AGBL4: variants seen among roughly 807,000 people sequenced by gnomAD.
AGBL4 encodes AGBL carboxypeptidase 4.
A neutral mutation model predicts 66.4 loss-of-function variants in AGBL4; 58 were observed. The ratio of observed to expected loss-of-function variants is 0.87; its 90% CI spans 0.71 to 1.09. AGBL4 has a LOEUF of 1.09. AGBL4 is among the 50% of genes least tolerant of loss of function. The probability of loss-of-function intolerance (pLI) is 0.00; values close to 1 mark genes in which losing one functional copy is unlikely to be tolerated. For synonymous variants in AGBL4, 234 were observed against 222.9 expected, an observed-to-expected ratio of 1.05 and a Z score of -0.44; for missense variants, 579 against 631.0, an observed-to-expected ratio of 0.92 and a Z score of 0.88.
At chr1:49,470,289 C>T (rs539765170) in intron 3 of AGBL4, among the ~76,000 whole-genome samples, 72 of 151,868 alleles carry the variant, frequency 4.7e-4, no homozygotes, top group Non-Finnish European at 5.4e-4. Context: ...AGATTATACT[C>T]GCTCCATACA....
intron 4 of AGBL4, among the ~76,000 whole-genome samples, chr1:49,160,912 G>C (rs1295083320): frequency 6.6e-6 from 1 of 152,110 alleles, no homozygotes; most frequent in African/African-American, 2.4e-5. Flanking sequence ...CACCAAACTT[G>C]AGCATCCCAG....
chr1:49,572,464 T>C (rs1644350508), intron 3 of AGBL4, among the ~76,000 whole-genome samples: 2 of 152,342 alleles, frequency 1.3e-5, no homozygotes, highest in Admixed American at 6.5e-5. Context: ...TTGTGTATTC[T>C]AGCCTGCAGT....
chr1:49,144,218 C>T (rs1646171927), intron 4 of AGBL4, among the ~76,000 whole-genome samples: 1 of 152,010 alleles, frequency 6.6e-6, no homozygotes, highest in Admixed American at 6.6e-5. Context: ...GTGTTGCTGG[C>T]TGATGATGGC....
At chr1:49,721,270 C>T (rs562178125) in intron 2 of AGBL4, among the ~76,000 whole-genome samples, 1 of 152,124 alleles carries the variant, frequency 6.6e-6, no homozygotes, top group Non-Finnish European at 1.5e-5. Flanking sequence ...GCAATCCGCT[C>T]GGGTCCCCTT....
intron 6 of AGBL4, among the ~76,000 whole-genome samples, chr1:48,669,424 C>T (rs1178072727): frequency 6.6e-6 from 1 of 151,922 alleles, no homozygotes; most frequent in Non-Finnish European, 1.5e-5. Flanking sequence ...CAGCAGCATC[C>T]CTTTCCTCTA....
intron 6 of AGBL4, among the ~76,000 whole-genome samples, chr1:48,812,180 G>T (rs1031492057): frequency 2.0e-5 from 3 of 152,152 alleles, no homozygotes; most frequent in Non-Finnish European, 4.4e-5. Context: ...GGATGAGTCA[G>T]GCCAAGAGGC....
At chr1:49,140,896 T>C (rs559965558) in intron 4 of AGBL4, among the ~76,000 whole-genome samples, 1 of 152,226 alleles carries the variant, frequency 6.6e-6, no homozygotes, top group Non-Finnish European at 1.5e-5. Flanking sequence ...GGGATTGTGA[T>C]GAAGGGAAAA....
intron 6 of AGBL4, among the ~76,000 whole-genome samples, chr1:48,780,009 C>T (rs994168410): frequency 2.0e-5 from 3 of 151,836 alleles, no homozygotes; most frequent in African/African-American, 4.8e-5. Context: ...CCACCGCGCC[C>T]GGCCTTTATT....
chr1:48,679,042 T>A (rs1041588862), intron 6 of AGBL4, among the ~76,000 whole-genome samples: 4 of 152,188 alleles, frequency 2.6e-5, no homozygotes, highest in Non-Finnish European at 5.9e-5. Context: ...ATATGCAAGT[T>A]GACAGTGGAA....
chr1:49,803,291 G>A (rs183008624), intron 2 of AGBL4, among the ~76,000 whole-genome samples: 8 of 152,082 alleles, frequency 5.3e-5, no homozygotes, highest in Admixed American at 1.3e-4. Flanking sequence ...TAAATAACTT[G>A]CTCAAGATCA....
At chr1:48,637,746 G>A (rs951329266) in intron 8 of AGBL4, among the ~76,000 whole-genome samples, 3 of 152,210 alleles carry the variant, frequency 2.0e-5, no homozygotes, top group African/African-American at 2.4e-5. Context: ...AAGCCCCTTC[G>A]TATAAATTCC....
chr1:49,863,501 C>T (rs1646625350), intron 1 of AGBL4, among the ~76,000 whole-genome samples: 1 of 152,168 alleles, frequency 6.6e-6, no homozygotes, highest in Non-Finnish European at 1.5e-5. Flanking sequence ...AGACAACCCA[C>T]AGAATGTGAG....
intron 4 of AGBL4, among the ~76,000 whole-genome samples, chr1:49,147,021 G>A (rs1646231341): frequency 2.0e-5 from 3 of 152,188 alleles, no homozygotes; most frequent in Admixed American, 2.0e-4. Context: ...TTATAGAGAA[G>A]CAGAAAAGCC....
chr1:50,013,271 A>G (rs1286262340), intron 1 of AGBL4, among the ~76,000 whole-genome samples: 2 of 152,180 alleles, frequency 1.3e-5, no homozygotes, highest in South Asian at 2.1e-4. Context: ...AAAAAGAGTA[A>G]ATAAGATCAT....
In AGBL4 at chr1:49,613,315, C is replaced by A. The variant is rs1645188145; in HGVS notation, c.282+83998G>T. On this transcript the variant is annotated intron_variant, in intron 3 of 13. Transcript: ENST00000371839. Reference sequence around the variant, plus strand: ...ACCAGGTGACAGGATCATTCATACCCCAAACCTCAGCATCACACAATATAC... The same window carrying A: ...ACCAGGTGACAGGATCATTCATACCACAAACCTCAGCATCACACAATATAC... Among the ~76,000 whole-genome samples the A allele has an allele frequency of 2.6e-5, 4 of 151,948 alleles. No homozygotes were observed. In the South Asian group the frequency reaches 8.3e-4, roughly 32 times the overall value.
chr1:49,956,691 C>T (rs1209386864), intron 1 of AGBL4, among the ~76,000 whole-genome samples: 1 of 151,850 alleles, frequency 6.6e-6, no homozygotes, highest in Non-Finnish European at 1.5e-5. Context: ...AAAGATAACA[C>T]CAATAGTCTT....
intron 9 of AGBL4, among the ~76,000 whole-genome samples, chr1:48,615,655 G>A (rs1645306860): frequency 6.6e-6 from 1 of 152,160 alleles, no homozygotes; most frequent in African/African-American, 2.4e-5. Context: ...TTTCCTATTT[G>A]CATTTATTTC....
At chr1:48,762,461 G>A (rs951729447) in intron 6 of AGBL4, among the ~76,000 whole-genome samples, 6 of 152,200 alleles carry the variant, frequency 3.9e-5, no homozygotes, top group Non-Finnish European at 1.5e-5. Context: ...AATACTTTGT[G>A]TTCAGGGCTT....
At chr1:48,701,462 T>C (rs28373722) in intron 6 of AGBL4, among the ~76,000 whole-genome samples, 1,696 of 34,772 alleles carry the variant, frequency 0.049, 41 homozygotes, top group African/African-American at 0.068. Context: ...CTTTTCCTTT[T>C]TTTTTCTTTT....
Sources: gnomAD v4.1 joint callset for allele counts (sites outside exome capture counted in the v4.1 genomes callset) on GRCh38, gnomAD v4.1.1 for gene constraint, MANE v1.5 for transcripts, NCBI Gene and HGNC (gene_info 2026-07-23, HGNC 2026-07-21) for gene names.